SPAST: variants seen among roughly 807,000 people sequenced by gnomAD.
The protein encoded by SPAST is spastic paraplegia 4 (autosomal dominant; spastin).
SPAST carries 30 observed loss-of-function variants against 76.6 expected under a neutral mutation model. That is an observed-to-expected ratio of 0.39 (90% CI 0.29 to 0.53). SPAST has a LOEUF of 0.53. Among genes scored for constraint, SPAST ranks in the 20% least tolerant of loss-of-function variants. The probability of loss-of-function intolerance (pLI) is 0.68; values close to 1 mark genes in which losing one functional copy is unlikely to be tolerated. For synonymous variants in SPAST, 305 were observed against 281.0 expected, an observed-to-expected ratio of 1.09 and a Z score of -0.86; for missense variants, 717 against 770.5, an observed-to-expected ratio of 0.93 and a Z score of 0.82.
chr2:32,140,372 A>T (rs1013467873), intron 12 of SPAST, among the ~76,000 whole-genome samples: 22 of 151,974 alleles, frequency 1.4e-4, no homozygotes, highest in Middle Eastern at 3.2e-3. Flanking sequence ...CTCTTGTTTC[A>T]TAGAAAACAA....
At chr2:32,090,924 G>A (rs1677688858) in intron 3 of SPAST, among the ~76,000 whole-genome samples, 1 of 152,250 alleles carries the variant, frequency 6.6e-6, no homozygotes, top group African/African-American at 2.4e-5. Context: ...TCCATCTTGT[G>A]AGGTTAGCAG....
At chr2:32,089,640 T>C (rs757381392) in intron 3 of SPAST, 35 bp downstream of exon 3, 43 of 1,063,318 alleles carry the variant, frequency 4.0e-5, no homozygotes, top group Non-Finnish European at 5.0e-5. Context: ...GTGGGATGTA[T>C]TGGAAATGTG....
chr2:32,136,777 A>G (rs1441402163), intron 10 of SPAST, 100 bp from the exon 11 acceptor site: 5 of 1,192,142 alleles, frequency 4.2e-6, no homozygotes, highest in Non-Finnish European at 6.2e-6. Flanking sequence ...TAATGAATTT[A>G]GTAGGACCCA....
At chr2:32,089,467 G>A (rs868319192) in intron 2 of SPAST, 55 bp from the exon 3 acceptor site, 31 of 996,464 alleles carry the variant, frequency 3.1e-5, no homozygotes, top group Non-Finnish European at 4.1e-5. Flanking sequence ...ATAATTTATC[G>A]TGAAACAATA....
intron 4 of SPAST, among the ~76,000 whole-genome samples, chr2:32,107,960 A>G (rs955504193): frequency 1.3e-5 from 2 of 152,116 alleles, no homozygotes; most frequent in Admixed American, 1.3e-4. Context: ...GCTTATTACT[A>G]CAATGTGTTA....
At chr2:32,115,899 A>G (rs1002274533) in intron 6 of SPAST, 64 bp downstream of exon 6, 7 of 1,307,138 alleles carry the variant, frequency 5.4e-6, no homozygotes, top group African/African-American at 3.0e-5. Flanking sequence ...CTTATAAAAC[A>G]TGTCAGGAGT....
At chr2:32,102,160 G>A (rs1424100841) in intron 4 of SPAST, among the ~76,000 whole-genome samples, 2 of 152,136 alleles carry the variant, frequency 1.3e-5, no homozygotes, top group African/African-American at 4.8e-5. Flanking sequence ...TTGAGCAGTG[G>A]TTTGTAGTTC....
At chr2:32,110,540 G>GTA (rs1174787495) in intron 4 of SPAST, among the ~76,000 whole-genome samples, 10 of 131,332 alleles carry the variant, frequency 7.6e-5, no homozygotes, top group East Asian at 2.2e-4. Flanking sequence ...TGTATATATA[G>GTA]TATATATATA....
Position 32,113,939 on chromosome 2 carries a change from G to T in SPAST, c.683-699G>T, listed in dbSNP as rs1277040910. On this transcript the variant is annotated intron_variant, in intron 4 of 16. Transcript: ENST00000315285. The stretch of plus-strand genomic sequence containing the variant: ...TTTCTTCTTAAAAATACTGTTTTTT[G>T]TTTTTTTGTTTTTTTTTTTATTTGA... Among the ~76,000 whole-genome samples the T allele has an allele frequency of 2.0e-5, 3 of 150,076 alleles. No homozygotes were observed. In the East Asian group the frequency reaches 5.9e-4, roughly 30 times the overall value.
chr2:32,145,089 A>T, intron 15 of SPAST, 82 bp downstream of exon 15: 3 of 1,046,818 alleles, frequency 2.9e-6, no homozygotes, highest in Non-Finnish European at 4.3e-6. Context: ...AAATCTACCA[A>T]GAGATTTTTT....
rs1161346296 is a variant in SPAST at position 32,098,842 on chromosome 2, C to T, written c.633C>T (p.Val211=). ...CATTTTCCAAGTCACAAACGGACGT[C>T]TATAATGACAGTACTAACTTGGCAT... ...VLPFSKSQTD[V]YNDSTNLACR... The change falls in exon 4 of 17, where the codon GTC becomes GTT. Residue 211 remains valine, a synonymous_variant. Coordinates refer to ENST00000315285, the MANE Select transcript of SPAST (RefSeq NM_014946.4). 1 of 1,613,758 alleles carries T rather than the reference C, an allele frequency of 6.2e-7. No homozygotes were observed. The highest frequency in any genetic ancestry group is 8.5e-7 in the Non-Finnish European group (1 of 1,179,886).
intron 16 of SPAST, among the ~76,000 whole-genome samples, chr2:32,149,129 A>G (rs901718827): frequency 4.0e-5 from 6 of 151,670 alleles, no homozygotes; most frequent in African/African-American, 1.5e-4. Context: ...TGGCTCTGTC[A>G]CCCAGGCTGC....
intron 3 of SPAST, among the ~76,000 whole-genome samples, chr2:32,091,262 ATT>A (rs2148711866): frequency 7.4e-6 from 1 of 135,070 alleles, no homozygotes; most frequent in African/African-American, 2.8e-5. Context: ...TATTATTATT[ATT>A]ATTATTATTA....
At chr2:32,148,845 G>T (rs1360379294) in intron 16 of SPAST, among the ~76,000 whole-genome samples, 2 of 148,664 alleles carry the variant, frequency 1.3e-5, no homozygotes, top group East Asian at 4.1e-4. Flanking sequence ...ATGGTGGCAC[G>T]TGCCTGTGGT....
At position 32,076,960 on chromosome 2, in the gene SPAST, CT is replaced by C. The variant is rs1162410872; in HGVS notation, c.416-10531del. Among the ~76,000 whole-genome samples the C allele has an allele frequency of 2.0e-5, 3 of 152,084 alleles. No individual in the cohort carries two copies. The East Asian group carries it at 5.8e-4, about 29-fold the overall frequency. On this transcript the variant is annotated intron_variant, in intron 1 of 16. Transcript: ENST00000315285. ...GCACAATCTCGGCTCACTGCAACCT[CT>C]GTTTCCCAGGTTCAAACGATTCTCC...
At chr2:32,083,776 A>ATTTTTTTTTTTTTTT (rs1178658126) in intron 1 of SPAST, among the ~76,000 whole-genome samples, 2 of 46,072 alleles carry the variant, frequency 4.3e-5, no homozygotes, top group Admixed American at 3.6e-4. Flanking sequence ...ATATATATAT[A>ATTTTTTTTTTTTTTT]TTTTTTTTTT....
chr2:32,079,032 G>A (rs1677090263), intron 1 of SPAST, among the ~76,000 whole-genome samples: 1 of 152,034 alleles, frequency 6.6e-6, no homozygotes, highest in Admixed American at 6.5e-5. Flanking sequence ...GTAGAGATGG[G>A]GTTTCACCAT....
rs1676369035 is a variant in SPAST at position 32,063,601 on chromosome 2, G to C, written c.-231G>C. 1.4e-5 allele frequency: 8 copies of C among 557,746 alleles called. No homozygotes were observed. Among genetic ancestry groups the C allele is most frequent in the South Asian group, 1.1e-4 (5 of 45,150 alleles). 34.5% of individuals were successfully genotyped at this position (557,746 alleles called of 1,614,324 possible). A position where few individuals can be genotyped will look rare whatever the true frequency, so the allele number is the denominator to read the frequency against. On this transcript the variant is annotated 5_prime_UTR_variant, in exon 1 of 17. Transcript: ENST00000315285. ...CCAGGCGGCGGAGAGGACAGCGACA[G>C]GAAGGGAGGGGCCCGAGCCACCGAC...
intron 4 of SPAST, 33 bp from the exon 5 acceptor site, chr2:32,114,605 C>T (rs775105475): frequency 6.3e-7 from 1 of 1,575,972 alleles, no homozygotes; most frequent in South Asian, 1.1e-5. Flanking sequence ...CTACAATTTT[C>T]TAATCACAAT....
Sources: allele counts gnomAD v4.1 joint callset (sites outside exome capture counted in the v4.1 genomes callset), GRCh38; gene constraint gnomAD v4.1.1; transcripts MANE v1.5; gene names NCBI Gene and HGNC (gene_info 2026-07-23, HGNC 2026-07-21).